HDGFL3: variants seen among roughly 807,000 people sequenced by gnomAD.
The protein encoded by HDGFL3 is hepatoma-derived growth factor-related protein 3.
A neutral mutation model predicts 27.6 loss-of-function variants in HDGFL3; 6 were observed. The ratio of observed to expected loss-of-function variants is 0.22; its 90% CI spans 0.12 to 0.43. The LOEUF is 0.43. Among genes scored for constraint, HDGFL3 ranks in the 20% least tolerant of loss-of-function variants. The probability of loss-of-function intolerance (pLI) is 1.00; values close to 1 mark genes in which losing one functional copy is unlikely to be tolerated. For missense variants in HDGFL3, 207 were observed against 250.1 expected (o/e 0.83, Z 1.16); for synonymous variants, 88 against 88.9 (o/e 0.99, Z 0.05).
At chr15:83,180,834 G>C (rs2037371759) in intron 1 of HDGFL3, 1 of 151,900 alleles carries the variant, frequency 6.6e-6, no homozygotes, top group African/African-American at 2.4e-5. Flanking sequence ...ACAGGGTTTT[G>C]CCATGTTGGC....
rs919218147 is a variant in HDGFL3, at chr15:83,128,557, T to A, written c.*10713A>T. 2 of 152,210 alleles carry A rather than the reference T, an allele frequency of 1.3e-5. No homozygotes were observed. Among genetic ancestry groups the A allele is most frequent in the African/African-American group, 2.4e-5 (1 of 41,444 alleles). 9.4% of individuals were successfully genotyped at this position (152,210 alleles called of 1,614,324 possible). ...AGGTCTTTATCTTTGTATCTTTCAA[T>A]ACCAACTATAAGCTGATAACTTCCA... is the stretch of plus-strand genomic sequence containing the variant. On this transcript the variant is annotated 3_prime_UTR_variant, in exon 6 of 6. Coordinates refer to ENST00000299633, the MANE Select transcript of HDGFL3 (RefSeq NM_016073.4).
intron 3 of HDGFL3, among the ~76,000 whole-genome samples, chr15:83,117,233 G>A (rs528379774): frequency 5.9e-5 from 9 of 152,326 alleles, no homozygotes; most frequent in African/African-American, 1.9e-4. Context: ...AGAGGAGAAA[G>A]AGCATGTGCC....
intron 5 of HDGFL3, among the ~76,000 whole-genome samples, chr15:83,140,614 T>G (rs753002050): frequency 2.6e-5 from 4 of 151,842 alleles, no homozygotes; most frequent in Non-Finnish European, 4.4e-5. Context: ...CCTGAGTAGC[T>G]GGGATTACAG....
intron 4 of HDGFL3, among the ~76,000 whole-genome samples, chr15:83,152,422 T>G (rs2036975064): frequency 6.6e-6 from 1 of 151,966 alleles, no homozygotes; most frequent in South Asian, 2.1e-4. Flanking sequence ...TACCTGGGGC[T>G]GGGCGCAGTG....
chr15:83,158,182 T>C (rs1180091956), intron 2 of HDGFL3, 141 bp from the exon 3 acceptor site: 2 of 655,660 alleles, frequency 3.1e-6, no homozygotes, highest in Admixed American at 7.2e-5. Context: ...GTTAGGCACA[T>C]ATTACGAGGT....
chr15:83,163,756 T>A (rs1455156111), intron 2 of HDGFL3: 4 of 474,866 alleles, frequency 8.4e-6, no homozygotes, highest in African/African-American at 6.1e-5. Context: ...AGGAGACTTG[T>A]GGGTGATGAC....
chr15:83,120,065 C>G (rs571047434), intron 3 of HDGFL3: 101 of 209,702 alleles, frequency 4.8e-4, no homozygotes, highest in African/African-American at 2.1e-3. Context: ...CACAGCTCTG[C>G]GGCTTGGCTC....
chr15:83,206,747 C>A (rs1349352153), intron 1 of HDGFL3, among the ~76,000 whole-genome samples: 1 of 152,196 alleles, frequency 6.6e-6, no homozygotes, highest in Admixed American at 6.5e-5. Flanking sequence ...GAGGCACGTA[C>A]CCCAGGACAA....
intron 1 of HDGFL3, among the ~76,000 whole-genome samples, chr15:83,188,385 G>A (rs1774499946): frequency 6.6e-6 from 1 of 152,118 alleles, no homozygotes; most frequent in Admixed American, 6.6e-5. Context: ...TGAGTAGCTG[G>A]GACTACAGGT....
rs2036056654 is a variant in HDGFL3, at chr15:83,129,518, G to A, written c.*9752C>T. The A allele has an allele frequency of 6.6e-6, 1 of 152,108 alleles. No individual in the cohort carries two copies. Among genetic ancestry groups the A allele is most frequent in the African/African-American group, 2.4e-5 (1 of 41,402 alleles). The allele number at this position is 152,108 out of a possible 1,614,324, so 9.4% of individuals were successfully genotyped here. Reference sequence around the variant, plus strand: ...AAAAACCCCAATTTAAAGATGAGGAGGCTGAGGCTCAGTCCACCTGAAATT... The same window carrying A: ...AAAAACCCCAATTTAAAGATGAGGAAGCTGAGGCTCAGTCCACCTGAAATT... On this transcript the variant is annotated 3_prime_UTR_variant, in exon 6 of 6. Coordinates refer to ENST00000299633, the MANE Select transcript of HDGFL3 (RefSeq NM_016073.4).
chr15:83,190,096 C>T lies in HDGFL3; in HGVS notation c.84+17235G>A, dbSNP rs28658437. 6.6e-3 allele frequency among the ~76,000 whole-genome samples: 1,004 copies of T among 151,538 alleles called. 11 individuals carry two copies. Among genetic ancestry groups the T allele is most frequent in the African/African-American group, 0.023 (965 of 41,296 alleles). On this transcript the variant is annotated intron_variant, in intron 1 of 5. Coordinates refer to ENST00000299633, the MANE Select transcript of HDGFL3 (RefSeq NM_016073.4). ...TGGTGGTGTGTGCCTGTAGTCCTAGCTACTTAGGCACAGAGTCTGCGGTAA... is the reference window on the plus strand; with the variant it reads ...TGGTGGTGTGTGCCTGTAGTCCTAGTTACTTAGGCACAGAGTCTGCGGTAA...
downstream of HDGFL3, among the ~76,000 whole-genome samples, chr15:83,123,806 T>C (rs2035482662): frequency 6.6e-6 from 1 of 152,242 alleles, no homozygotes; most frequent in South Asian, 2.1e-4. Flanking sequence ...AGAGTAGGTA[T>C]GCCATGAGGC....
downstream of HDGFL3, among the ~76,000 whole-genome samples, chr15:83,126,420 G>T (rs958255871): frequency 1.3e-5 from 2 of 152,142 alleles, no homozygotes; most frequent in Non-Finnish European, 2.9e-5. Flanking sequence ...TTCCTGTAGG[G>T]AATAGGGGGC....
chr15:83,159,817 C>G (rs751344199), intron 2 of HDGFL3, among the ~76,000 whole-genome samples: 2 of 152,080 alleles, frequency 1.3e-5, no homozygotes, highest in Non-Finnish European at 2.9e-5. Context: ...GAGTGAAGGA[C>G]GACTGGTGTG....
chr15:83,121,964 A>T, intron 3 of HDGFL3: 2 of 1,611,706 alleles, frequency 1.2e-6, no homozygotes, highest in Non-Finnish European at 1.7e-6. Flanking sequence ...TGGATCTATT[A>T]TTATGAGTGT....
chr15:83,149,946 G>A (rs926804627), intron 5 of HDGFL3, among the ~76,000 whole-genome samples: 2 of 152,164 alleles, frequency 1.3e-5, no homozygotes, highest in African/African-American at 4.8e-5. Context: ...CATGACAATA[G>A]AAAGATGTAA....
chr15:83,166,739 G>A (rs988071760), intron 1 of HDGFL3, among the ~76,000 whole-genome samples: 1 of 152,192 alleles, frequency 6.6e-6, no homozygotes, highest in African/African-American at 2.4e-5. Flanking sequence ...ATGGTGGAAG[G>A]TGAAGAGGAA....
rs569088403 is a variant in HDGFL3, at chr15:83,200,109, C to T, written c.84+7222G>A. 4.7e-5 allele frequency among the ~76,000 whole-genome samples: 7 copies of T among 149,806 alleles called. No homozygotes were observed. In the South Asian group the frequency reaches 8.5e-4, roughly 18 times the overall value. ...CTGTAATCCCAGCACTTTGAGAGGCCGAGGCAGGCAGATCACGAGGTCAGG... is the reference window on the plus strand; with the variant it reads ...CTGTAATCCCAGCACTTTGAGAGGCTGAGGCAGGCAGATCACGAGGTCAGG... On this transcript the variant is annotated intron_variant, in intron 1 of 5. Coordinates refer to ENST00000299633, the MANE Select transcript of HDGFL3 (RefSeq NM_016073.4).
At chr15:83,183,194 T>C (rs987211262) in intron 1 of HDGFL3, among the ~76,000 whole-genome samples, 1 of 152,154 alleles carries the variant, frequency 6.6e-6, no homozygotes, top group African/African-American at 2.4e-5. Flanking sequence ...GAAACCACAG[T>C]AGTAGCTATT....
Sources: gnomAD v4.1 joint callset for allele counts (sites outside exome capture counted in the v4.1 genomes callset) on GRCh38, gnomAD v4.1.1 for gene constraint, MANE v1.5 for transcripts, NCBI Gene and HGNC (gene_info 2026-07-23, HGNC 2026-07-21) for gene names.